Variants in HECW2 observed in about 807,000 individuals in gnomAD.
HECW2 encodes the protein HECT, C2 and WW domain containing E3 ubiquitin protein ligase 2, also known as E3 ubiquitin-protein ligase HECW2.
A neutral mutation model predicts 175.2 loss-of-function variants in HECW2; 61 were observed. That is an observed-to-expected ratio of 0.35 (90% CI 0.28 to 0.43). HECW2 has a LOEUF of 0.43. HECW2 is among the 20% of genes least tolerant of loss of function. HECW2 has a pLI of 1.00. For missense variants in HECW2, 1,524 were observed against 2,000.5 expected (o/e 0.76, Z 4.54); for synonymous variants, 671 against 731.0 (o/e 0.92, Z 1.32).
At chr2:196,363,310 AG>A (rs1693652346) in intron 2 of HECW2, among the ~76,000 whole-genome samples, 1 of 152,274 alleles carries the variant, frequency 6.6e-6, no homozygotes, top group South Asian at 2.1e-4. Context: ...TCTAAGAATA[AG>A]GTCAGTAGTG....
intron 1 of HECW2, among the ~76,000 whole-genome samples, chr2:196,464,345 G>A (rs1212127582): frequency 1.3e-5 from 2 of 152,118 alleles, no homozygotes; most frequent in Non-Finnish European, 2.9e-5. Flanking sequence ...GTAACGCTGG[G>A]AGTTAGAATG....
At chr2:196,335,998 G>C (rs1692536455) in intron 3 of HECW2, among the ~76,000 whole-genome samples, 1 of 152,170 alleles carries the variant, frequency 6.6e-6, no homozygotes, top group African/African-American at 2.4e-5. Flanking sequence ...AGAGAGCGTA[G>C]AGAAGATGAG....
intron 17 of HECW2, among the ~76,000 whole-genome samples, chr2:196,268,174 C>T (rs539263357): frequency 6.6e-6 from 1 of 152,258 alleles, no homozygotes; most frequent in African/African-American, 2.4e-5. Flanking sequence ...ATATTTAACT[C>T]CCAAAAACTT....
chr2:196,269,485 C>T (rs796922020), intron 17 of HECW2: 1 of 116,414 alleles, frequency 8.6e-6, no homozygotes, highest in Non-Finnish European at 1.7e-5. Context: ...GACTCCGTCT[C>T]CCCCTACCTC....
At position 196,307,930 on chromosome 2, in the gene HECW2, C is replaced by A; in HGVS notation, c.2585+5G>T. ...CAACAGTCACAGCAAAATGTTCATCCTCACCGCCGGTTCAGCTGCTCCATT... is the reference window on the plus strand; with the variant it reads ...CAACAGTCACAGCAAAATGTTCATCATCACCGCCGGTTCAGCTGCTCCATT... On this transcript the variant is annotated splice_donor_5th_base_variant and intron_variant, in intron 11 of 28. Transcript: ENST00000644978. The A allele has an allele frequency of 6.6e-7, 1 of 1,524,060 alleles. No homozygotes were observed. 94.4% of individuals were successfully genotyped at this position (1,524,060 alleles called of 1,614,324 possible). A position where few individuals can be genotyped will look rare whatever the true frequency, so the allele number is the denominator to read the frequency against.
intron 25 of HECW2, 48 bp downstream of exon 25, chr2:196,220,747 A>G (rs1234161510): frequency 6.3e-7 from 1 of 1,577,474 alleles, no homozygotes; most frequent in Admixed American, 1.7e-5. Flanking sequence ...GGACTGTGGC[A>G]TCATTGATAT....
chr2:196,252,133 C>T (rs988571166), intron 19 of HECW2, among the ~76,000 whole-genome samples: 7 of 150,584 alleles, frequency 4.6e-5, no homozygotes, highest in Non-Finnish European at 7.4e-5. Context: ...TGGGAGATCA[C>T]GCCACTGCAC....
intron 1 of HECW2, among the ~76,000 whole-genome samples, chr2:196,549,938 G>A (rs1381830906): frequency 1.3e-5 from 2 of 152,182 alleles, no homozygotes; most frequent in African/African-American, 4.8e-5. Flanking sequence ...GTGAAAGAGG[G>A]CATGATTCAG....
At chr2:196,323,933 T>TTTTTC (rs1692053261) in intron 6 of HECW2, among the ~76,000 whole-genome samples, 1 of 148,990 alleles carries the variant, frequency 6.7e-6, no homozygotes, top group Non-Finnish European at 1.5e-5. Flanking sequence ...TTTTTTTTTT[T>TTTTTC]TTTTACCATG....
At chr2:196,574,635 C>T (rs185789598) in intron 1 of HECW2, among the ~76,000 whole-genome samples, 1 of 152,196 alleles carries the variant, frequency 6.6e-6, no homozygotes, top group African/African-American at 2.4e-5. Flanking sequence ...AATGAAATTC[C>T]TATCAAAATT....
chr2:196,399,595 A>G (rs903141085), intron 2 of HECW2, among the ~76,000 whole-genome samples: 3 of 152,208 alleles, frequency 2.0e-5, no homozygotes, highest in Non-Finnish European at 4.4e-5. Flanking sequence ...CTCTAGTCCT[A>G]CAGGAGTTAT....
At chr2:196,436,805 G>A (rs1695891651) in intron 1 of HECW2, among the ~76,000 whole-genome samples, 1 of 151,326 alleles carries the variant, frequency 6.6e-6, no homozygotes, top group Admixed American at 6.6e-5. Flanking sequence ...TTTCCCTGTG[G>A]GAACTTGAAA....
intron 2 of HECW2, among the ~76,000 whole-genome samples, chr2:196,347,007 C>CAAA (rs200981726): frequency 2.9e-4 from 38 of 130,008 alleles, no homozygotes; most frequent in African/African-American, 9.5e-4. Context: ...GACTCCGTCT[C>CAAA]AAAAAAAAAA....
chr2:196,387,535 T>C (rs1694384953), intron 2 of HECW2, among the ~76,000 whole-genome samples: 1 of 152,168 alleles, frequency 6.6e-6, no homozygotes. Flanking sequence ...GAGAAAGAAA[T>C]TTCTGTTGCT....
At chr2:196,513,507 C>G (rs1342321599) in intron 1 of HECW2, among the ~76,000 whole-genome samples, 3 of 152,078 alleles carry the variant, frequency 2.0e-5, no homozygotes, top group Non-Finnish European at 2.9e-5. Flanking sequence ...GAGACCCTGT[C>G]TCAAAAAGAA....
chr2:196,556,656 T>G (rs972136185), intron 1 of HECW2, among the ~76,000 whole-genome samples: 1 of 152,186 alleles, frequency 6.6e-6, no homozygotes, highest in African/African-American at 2.4e-5. Context: ...GTCTTAGCCC[T>G]GCCATATAAG....
intron 2 of HECW2, among the ~76,000 whole-genome samples, chr2:196,354,307 G>T (rs1050960917): frequency 2.0e-5 from 3 of 152,246 alleles, no homozygotes; most frequent in African/African-American, 7.2e-5. Context: ...CCATCAGGGT[G>T]ACATGGCTGG....
At chr2:196,281,706 A>G (rs936352953) in intron 14 of HECW2, among the ~76,000 whole-genome samples, 6 of 146,850 alleles carry the variant, frequency 4.1e-5, no homozygotes, top group African/African-American at 1.0e-4. Flanking sequence ...GATTTGGGGG[A>G]AAAAAATGAG....
intron 24 of HECW2, among the ~76,000 whole-genome samples, chr2:196,221,467 GA>G (rs1198803133): frequency 2.0e-5 from 3 of 150,174 alleles, no homozygotes; most frequent in Non-Finnish European, 4.4e-5. Flanking sequence ...CACCAATTTT[GA>G]AAAAAAAATT....
Sources: allele counts gnomAD v4.1 joint callset (sites outside exome capture counted in the v4.1 genomes callset), GRCh38; gene constraint gnomAD v4.1.1; transcripts MANE v1.5; gene names NCBI Gene and HGNC (gene_info 2026-07-23, HGNC 2026-07-21).